The following PCDH9 variants were observed in gnomAD, a reference collection of about 807,000 sequenced individuals.
PCDH9 encodes the protein protocadherin-9.
A neutral mutation model predicts 70.6 loss-of-function variants in PCDH9; 24 were observed. That is an observed-to-expected ratio of 0.34 (90% confidence interval 0.25 to 0.48). PCDH9 has a LOEUF of 0.48. Ranked by LOEUF, PCDH9 falls within the 20% of genes least tolerant of loss-of-function variation. The pLI is 0.99. For synonymous variants in PCDH9, 562 were observed against 558.5 expected, an observed-to-expected ratio of 1.01 and a Z score of -0.09; for missense variants, 1,281 against 1,503.6, an observed-to-expected ratio of 0.85 and a Z score of 2.45.
rs10701113 is a variant in PCDH9 at position 66,822,136 on chromosome 13, GCA to G, written c.3138+81366_3138+81367del. Among the ~76,000 whole-genome samples the G allele has an allele frequency of 1.0e-3, 154 of 149,252 alleles. 1 individual carries two copies. The highest frequency in any genetic ancestry group is 4.9e-3 in the South Asian group (23 of 4,674). On this transcript the variant is annotated intron_variant, in intron 3 of 4. Transcript: ENST00000377865. ...AATAAGGTTGACCCATCACACACGCGCACACACACACACACACACACACTCAT... is the reference window on the plus strand; with the variant it reads ...AATAAGGTTGACCCATCACACACGCGCACACACACACACACACACACTCAT...
intron 4 of PCDH9, among the ~76,000 whole-genome samples, chr13:66,355,634 A>G (rs770304961): frequency 6.6e-6 from 1 of 152,124 alleles, no homozygotes; most frequent in African/African-American, 2.4e-5. Flanking sequence ...ACTGTTGGCC[A>G]TTGAGTTTAA....
Position 66,892,217 on chromosome 13 carries a change from TAA to T in PCDH9, c.3138+11285_3138+11286del, listed in dbSNP as rs904806582. Among the ~76,000 whole-genome samples, 3 of 147,644 alleles carry T rather than the reference TAA, an allele frequency of 2.0e-5. No homozygotes were observed. In the East Asian group the frequency reaches 5.9e-4, roughly 29 times the overall value. On this transcript the variant is annotated intron_variant, in intron 3 of 4. Transcript: ENST00000377865. ...TATGTGTTATGTGTGTGTATATATA[TAA>T]TATATATATATAATGTGTGTGTGTA...
intron 3 of PCDH9, among the ~76,000 whole-genome samples, chr13:66,855,853 G>A (rs1444657972): frequency 2.0e-5 from 3 of 151,722 alleles, no homozygotes; most frequent in African/African-American, 7.3e-5. Context: ...CTATCTACTT[G>A]TGTAAAAATG....
At chr13:66,687,356 T>TTTTATTTGC (rs2078419048) in intron 3 of PCDH9, among the ~76,000 whole-genome samples, 1 of 152,170 alleles carries the variant, frequency 6.6e-6, no homozygotes, top group Non-Finnish European at 1.5e-5. Context: ...ACTTTTTCTA[T>TTTTATTTGC]TTTATTTGCT....
intron 2 of PCDH9, among the ~76,000 whole-genome samples, chr13:67,084,610 C>T (rs1157084167): frequency 6.6e-6 from 1 of 151,966 alleles, no homozygotes; most frequent in Non-Finnish European, 1.5e-5. Context: ...CTTTTTCCAG[C>T]TGCAAACCTC....
intron 4 of PCDH9, among the ~76,000 whole-genome samples, chr13:66,517,971 C>T (rs993307884): frequency 2.0e-5 from 3 of 152,042 alleles, no homozygotes; most frequent in Non-Finnish European, 4.4e-5. Flanking sequence ...CTATCCATCC[C>T]GTGTTAGTTC....
At chr13:66,745,604 C>G (rs141783033) in intron 3 of PCDH9, among the ~76,000 whole-genome samples, 176 of 152,212 alleles carry the variant, frequency 1.2e-3, no homozygotes, top group African/African-American at 4.0e-3. Flanking sequence ...ACACTGACAG[C>G]CTTGTGCCAC....
chr13:67,177,367 A>T (rs1455049805), intron 2 of PCDH9, among the ~76,000 whole-genome samples: 2 of 151,956 alleles, frequency 1.3e-5, no homozygotes, highest in Non-Finnish European at 2.9e-5. Flanking sequence ...CTTTCACTCC[A>T]ATTTTCTGTT....
chr13:67,016,901 C>T (rs2084573075), intron 2 of PCDH9, among the ~76,000 whole-genome samples: 1 of 152,108 alleles, frequency 6.6e-6, no homozygotes, highest in African/African-American at 2.4e-5. Flanking sequence ...AATAATAGCA[C>T]CTACTACATA....
At chr13:67,222,374 C>T (rs1287056885) in intron 2 of PCDH9, 1 of 149,392 alleles carries the variant, frequency 6.7e-6, no homozygotes, top group Non-Finnish European at 1.5e-5. Flanking sequence ...AATTTAGTGA[C>T]ACATGAAAGC....
intron 3 of PCDH9, among the ~76,000 whole-genome samples, chr13:66,643,312 T>G (rs1447192903): frequency 6.6e-6 from 1 of 152,082 alleles, no homozygotes; most frequent in Non-Finnish European, 1.5e-5. Context: ...CTAACCCAGT[T>G]GGAATAAACA....
At chr13:66,463,608 A>G (rs550147893) in intron 4 of PCDH9, among the ~76,000 whole-genome samples, 5 of 151,960 alleles carry the variant, frequency 3.3e-5, no homozygotes, top group Admixed American at 3.3e-4. Flanking sequence ...CACCAAGATC[A>G]CAGGGAAATC....
intron 3 of PCDH9, among the ~76,000 whole-genome samples, chr13:66,735,899 G>A (rs879320564): frequency 3.9e-5 from 6 of 152,020 alleles, no homozygotes; most frequent in Non-Finnish European, 8.8e-5. Context: ...AGGAGGCAGA[G>A]GTTGCAGTGA....
intron 3 of PCDH9, among the ~76,000 whole-genome samples, chr13:66,636,159 T>C (rs1052815222): frequency 6.6e-6 from 1 of 152,152 alleles, no homozygotes; most frequent in Non-Finnish European, 1.5e-5. Flanking sequence ...GGTCATGTGA[T>C]TATGATATTC....
At chr13:66,706,088 A>G (rs1566517711) in intron 3 of PCDH9, among the ~76,000 whole-genome samples, 1 of 152,202 alleles carries the variant, frequency 6.6e-6, no homozygotes. Context: ...CGTTAATTAT[A>G]ACTGAGCCAA....
intron 2 of PCDH9, among the ~76,000 whole-genome samples, chr13:67,149,005 G>A (rs1487984602): frequency 6.6e-6 from 1 of 152,096 alleles, no homozygotes; most frequent in Non-Finnish European, 1.5e-5. Flanking sequence ...CACCTATAGA[G>A]CAAAACTTAC....
intron 4 of PCDH9, among the ~76,000 whole-genome samples, chr13:66,515,076 G>C (rs1349524505): frequency 6.6e-6 from 1 of 151,972 alleles, no homozygotes; most frequent in African/African-American, 2.4e-5. Flanking sequence ...TGGTTCTTTA[G>C]CATCTAACTT....
chr13:67,154,611 CA>C (rs2087759783), intron 2 of PCDH9, among the ~76,000 whole-genome samples: 2 of 89,852 alleles, frequency 2.2e-5, no homozygotes, highest in Admixed American at 1.1e-4. Flanking sequence ...TATATACACA[CA>C]CACACACACA....
intron 3 of PCDH9, among the ~76,000 whole-genome samples, chr13:66,640,940 A>G (rs765297734): frequency 6.6e-6 from 1 of 151,958 alleles, no homozygotes; most frequent in Non-Finnish European, 1.5e-5. Flanking sequence ...TAATGGCACA[A>G]TCTCGGCTCA....
Sources: gnomAD v4.1 joint callset for allele counts (sites outside exome capture counted in the v4.1 genomes callset) on GRCh38, gnomAD v4.1.1 for gene constraint, MANE v1.5 for transcripts, NCBI Gene and HGNC (gene_info 2026-07-23, HGNC 2026-07-21) for gene names.